Variants in DNAH12 observed in about 807,000 individuals in gnomAD.
The protein encoded by DNAH12 is dynein axonemal heavy chain 12, also known as axonemal beta dynein heavy chain 12.
A neutral mutation model predicts 371.5 loss-of-function variants in DNAH12; 285 were observed. The observed-to-expected ratio is 0.77, with a 90% CI of 0.70 to 0.85. DNAH12 has a LOEUF of 0.85. Among genes scored for constraint, DNAH12 ranks in the 40% least tolerant of loss-of-function variants. DNAH12 has a pLI of 0.00. For missense variants in DNAH12, 3,611 were observed against 3,689.4 expected (o/e 0.98, Z 0.55); for synonymous variants, 1,200 against 1,213.0 (o/e 0.99, Z 0.22).
chr3:57,327,991 C>A (rs1157656486), intron 62 of DNAH12, among the ~76,000 whole-genome samples: 4 of 151,854 alleles, frequency 2.6e-5, no homozygotes, highest in Non-Finnish European at 5.9e-5. Context: ...GACACATACA[C>A]TCTCCCAAGA....
intron 9 of DNAH12, 74 bp from the exon 10 acceptor site, chr3:57,502,553 T>TTCC (rs67799624): frequency 3.0e-6 from 4 of 1,321,460 alleles, no homozygotes; most frequent in Admixed American, 3.0e-5. Context: ...TGTAGATCTT[T>TTCC]TTTTTTTTCC....
At chr3:57,368,831 G>A (rs1244396357) in intron 55 of DNAH12, among the ~76,000 whole-genome samples, 1 of 152,100 alleles carries the variant, frequency 6.6e-6, no homozygotes, top group African/African-American at 2.4e-5. Flanking sequence ...TATATGATGT[G>A]CTTTTCTCTT....
In DNAH12 at chr3:57,356,781, G is replaced by A. The variant is rs908002437; in HGVS notation, c.9533+395C>T. 2.9e-3 allele frequency among the ~76,000 whole-genome samples: 446 copies of A among 151,540 alleles called. 2 individuals carry two copies. Among genetic ancestry groups the A allele is most frequent in the African/African-American group, 0.01 (418 of 41,286 alleles). On this transcript the variant is annotated intron_variant, in intron 59 of 73. Coordinates refer to ENST00000495027, the MANE Select transcript of DNAH12 (RefSeq NM_001366028.2). ...TTTTAAGACAGTCTCACTCTGTTGC[G>A]CAGGCTGGAGTGCGGGGGTGCCATC...
chr3:57,502,385 T>TCAA lies in DNAH12; in HGVS notation c.1178_1180dup (p.Val393dup). The TCAA allele has an allele frequency of 6.2e-7, 1 of 1,614,218 alleles. No homozygotes were observed. Among genetic ancestry groups the TCAA allele is most frequent in the South Asian group, 1.1e-5 (1 of 91,076 alleles). ...CCGATGTACTGCTGCCTTCAGTGTA[T>TCAA]CAACAGCCCAGTGTAACACGTGTTC... On this transcript the variant is annotated inframe_insertion, in exon 10 of 74. Transcript: ENST00000495027.
At chr3:57,371,751 A>G (rs2153337111) in intron 55 of DNAH12, among the ~76,000 whole-genome samples, 1 of 145,064 alleles carries the variant, frequency 6.9e-6, no homozygotes, top group South Asian at 2.3e-4. Flanking sequence ...ACAGAGAAAA[A>G]TTGGAAAATT....
At position 57,509,180 on chromosome 3, in the gene DNAH12, A is replaced by G; in HGVS notation, c.502T>C (p.Ser168Pro). 6.2e-7 allele frequency: 1 copy of G among 1,613,850 alleles called. No individual in the cohort carries two copies. The highest frequency in any genetic ancestry group is 1.1e-5 in the South Asian group (1 of 90,964). The change falls in exon 6 of 74, where the codon TCG becomes CCG. Residue 168 changes from serine (S) to proline (P), a missense_variant. Physicochemically the swap from Ser to Pro is moderately conservative, Grantham distance 74. Coordinates refer to ENST00000495027, the MANE Select transcript of DNAH12 (RefSeq NM_001366028.2). Reference sequence around the variant, plus strand: ...AAAGGACCTCCTTCATCTTCAAGCGATTTAACTGGTGGTTTCACAAGAACG... The same window carrying G: ...AAAGGACCTCCTTCATCTTCAAGCGGTTTAACTGGTGGTTTCACAAGAACG... ...QSVLVKPPVK[S>P]LEDEGGPLPE...
At chr3:57,519,979 T>A in intron 4 of DNAH12, 1 of 832,372 alleles carries the variant, frequency 1.2e-6, no homozygotes, top group Non-Finnish European at 2.0e-6. Context: ...GGTCAGGGCG[T>A]AGGGTTCCTC....
intron 4 of DNAH12, among the ~76,000 whole-genome samples, chr3:57,515,982 A>G (rs1418744129): frequency 1.4e-5 from 2 of 146,568 alleles, no homozygotes; most frequent in Non-Finnish European, 3.0e-5. Flanking sequence ...TTTTTTTTCA[A>G]TTAGTTGCTC....
intron 60 of DNAH12, among the ~76,000 whole-genome samples, chr3:57,337,205 T>C (rs1217961153): frequency 1.3e-5 from 2 of 152,142 alleles, no homozygotes; most frequent in African/African-American, 4.8e-5. Flanking sequence ...AATATAACAA[T>C]TATAAAAATA....
intron 32 of DNAH12, among the ~76,000 whole-genome samples, chr3:57,431,065 G>A (rs982559901): frequency 1.3e-5 from 2 of 152,164 alleles, no homozygotes; most frequent in Non-Finnish European, 2.9e-5. Context: ...AGTTCTACTG[G>A]ACATGCTGGT....
Position 57,428,759 on chromosome 3 carries a change from T to C in DNAH12, c.5127A>G (p.Pro1709=). The C allele has an allele frequency of 1.3e-6, 2 of 1,551,436 alleles. No individual in the cohort carries two copies. Among genetic ancestry groups the C allele is most frequent in the African/African-American group, 2.7e-5 (2 of 73,170 alleles). The change falls in exon 34 of 74, where the codon CCA becomes CCG. Residue 1709 remains proline (P), a synonymous_variant. Coordinates refer to ENST00000495027, the MANE Select transcript of DNAH12 (RefSeq NM_001366028.2). ...GTGAATTCAACCAAGAAGACACAAG[T>C]GGTTCCCATCCTAACTGTGAAGGCT... is the stretch of plus-strand genomic sequence containing the variant. The part of the protein sequence containing the change: ...YLEPSQLGWE[P]LVSSWLNSLK...
At chr3:57,509,236 G>C in intron 5 of DNAH12, 24 bp from the exon 6 acceptor site, 2 of 1,596,712 alleles carry the variant, frequency 1.3e-6, no homozygotes, top group Non-Finnish European at 1.7e-6. Flanking sequence ...ATATATTAAT[G>C]CTTCTTGAAA....
intron 19 of DNAH12, among the ~76,000 whole-genome samples, chr3:57,460,589 A>C (rs2066027144): frequency 6.6e-6 from 1 of 152,192 alleles, no homozygotes; most frequent in Admixed American, 6.5e-5. Context: ...AAAAAGTAAT[A>C]TCTTATCAGG....
intron 60 of DNAH12, among the ~76,000 whole-genome samples, chr3:57,338,502 T>G (rs1367810690): frequency 4.7e-5 from 7 of 149,600 alleles, no homozygotes; most frequent in Non-Finnish European, 8.9e-5. Flanking sequence ...GAGGAGTGCC[T>G]CTGCCCGGCC....
intron 43 of DNAH12, 148 bp downstream of exon 43, chr3:57,403,161 C>T (rs2063921774): frequency 5.0e-6 from 4 of 795,868 alleles, no homozygotes; most frequent in African/African-American, 1.8e-5. Context: ...GGACAGAACT[C>T]AACACACACA....
At chr3:57,545,825 C>T (rs977372770), upstream of DNAH12, among the ~76,000 whole-genome samples, 1 of 152,120 alleles carries the variant, frequency 6.6e-6, no homozygotes, top group African/African-American at 2.4e-5. Flanking sequence ...CTTGCACAGA[C>T]CTCCTCCTCA....
chr3:57,438,916 G>GGCAAAAAAAAA (rs2065216698), intron 29 of DNAH12, among the ~76,000 whole-genome samples: 1 of 8,952 alleles, frequency 1.1e-4, no homozygotes. Context: ...CTCTGTCTCA[G>GGCAAAAAAAAA]ACAAAAAAAA....
intron 11 of DNAH12, among the ~76,000 whole-genome samples, chr3:57,495,313 T>TATATAAGATCAGGGACTTAAAAGGTTA (rs1559719660): frequency 2.0e-5 from 3 of 151,630 alleles, no homozygotes; most frequent in African/African-American, 7.3e-5. Context: ...AATCCTAGCA[T>TATATAAGATCAGGGACTTAAAAGGTTA]TTTGGGAGGC....
At chr3:57,477,667 C>T (rs966797225) in intron 13 of DNAH12, among the ~76,000 whole-genome samples, 2 of 152,170 alleles carry the variant, frequency 1.3e-5, no homozygotes, top group African/African-American at 4.8e-5. Context: ...AACTGGGAGG[C>T]ACCCCCCAGT....
Sources: gnomAD v4.1 joint callset for allele counts (sites outside exome capture counted in the v4.1 genomes callset) on GRCh38, gnomAD v4.1.1 for gene constraint, MANE v1.5 for transcripts, NCBI Gene and HGNC (gene_info 2026-07-23, HGNC 2026-07-21) for gene names.